Variants in DNAAF11 observed in about 807,000 individuals in gnomAD.
DNAAF11 encodes the protein dynein axonemal assembly factor 11.
Under a neutral mutation model 60.8 loss-of-function variants are expected in DNAAF11, and 45 were observed. The ratio of observed to expected loss-of-function variants is 0.74; its 90% CI spans 0.58 to 0.95. The LOEUF (loss-of-function observed/expected upper bound fraction) is 0.95. Among genes scored for constraint, DNAAF11 ranks in the 40% least tolerant of loss-of-function variants. The pLI, the probability that DNAAF11 is intolerant of heterozygous loss-of-function variation, is 0.00. For synonymous variants in DNAAF11, 191 were observed against 183.5 expected (o/e 1.04, Z -0.33); for missense variants, 546 against 546.2 (o/e 1.00, Z 0.00).
intron 10 of DNAAF11, among the ~76,000 whole-genome samples, chr8:132,603,600 T>G (rs1817849154): frequency 3.5e-5 from 5 of 143,536 alleles, no homozygotes; most frequent in South Asian, 2.3e-4. Flanking sequence ...TAGTGGGGGG[T>G]GGGGGTGTGG....
chr8:132,611,386 T>A (rs1214102710), intron 8 of DNAAF11, 23 bp from the exon 9 acceptor site: 1 of 1,402,854 alleles, frequency 7.1e-7, no homozygotes. Context: ...ACACAGAAAA[T>A]CTTATAATTT....
intron 5 of DNAAF11, among the ~76,000 whole-genome samples, chr8:132,629,141 C>T (rs1820556687): frequency 6.6e-6 from 1 of 152,098 alleles, no homozygotes; most frequent in South Asian, 2.1e-4. Flanking sequence ...ACACTATTGT[C>T]TCCATAGATT....
the DNAAF11 span, among the ~76,000 whole-genome samples, chr8:132,689,728 T>A: frequency 6.6e-6 from 1 of 152,016 alleles, no homozygotes; most frequent in Non-Finnish European, 1.5e-5. Flanking sequence ...TATGTGTATA[T>A]ATATACAGAG....
chr8:132,690,312 C>G, the DNAAF11 span, among the ~76,000 whole-genome samples: 88,227 of 151,820 alleles, frequency 0.58, 27,986 homozygotes, highest in African/African-American at 0.86. Flanking sequence ...TCTCGTGATA[C>G]TGAGTTCTCA....
At chr8:132,584,025 T>C (rs923330201) in intron 10 of DNAAF11, among the ~76,000 whole-genome samples, 1 of 151,934 alleles carries the variant, frequency 6.6e-6, no homozygotes, top group South Asian at 2.1e-4. Flanking sequence ...GCAGGAGATA[T>C]GGTGAATTAA....
intron 10 of DNAAF11, among the ~76,000 whole-genome samples, chr8:132,602,615 T>C (rs1408631709): frequency 1.3e-5 from 2 of 151,854 alleles, no homozygotes; most frequent in Non-Finnish European, 2.9e-5. Context: ...ACCCTCAAGG[T>C]TGCCCTCAAG....
At chr8:132,673,231 A>C (rs769955672) in intron 1 of DNAAF11, among the ~76,000 whole-genome samples, 19 of 152,164 alleles carry the variant, frequency 1.2e-4, no homozygotes, top group Admixed American at 9.2e-4. Context: ...CAGCCCTGAT[A>C]GTTACTGTGT....
the DNAAF11 span, among the ~76,000 whole-genome samples, chr8:132,688,741 C>G: frequency 6.6e-6 from 1 of 152,172 alleles, no homozygotes; most frequent in South Asian, 2.1e-4. Context: ...GTGTGCACAT[C>G]TGGATCAAGC....
intron 1 of DNAAF11, among the ~76,000 whole-genome samples, chr8:132,674,251 G>A (rs1825547305): frequency 6.6e-6 from 1 of 151,748 alleles, no homozygotes; most frequent in Non-Finnish European, 1.5e-5. Flanking sequence ...ACCAACTAGG[G>A]TGAGACCAGG....
chr8:132,595,703 T>C (rs1816943058), intron 10 of DNAAF11, among the ~76,000 whole-genome samples: 1 of 152,222 alleles, frequency 6.6e-6, no homozygotes, highest in Non-Finnish European at 1.5e-5. Flanking sequence ...TTTCTTTACA[T>C]TGTGTTCTAT....
chr8:132,669,858 G>A (rs543323802), intron 1 of DNAAF11, among the ~76,000 whole-genome samples: 1 of 150,430 alleles, frequency 6.6e-6, no homozygotes, highest in East Asian at 2.0e-4. Flanking sequence ...GGAGAATGGC[G>A]TGAACCCAGG....
At chr8:132,572,538 C>T (rs2130928777) in intron 11 of DNAAF11, 58 bp from the exon 12 acceptor site, 2 of 1,288,766 alleles carry the variant, frequency 1.6e-6, no homozygotes, top group Non-Finnish European at 1.1e-6. Context: ...AAATTTCAAA[C>T]AGATTCAACT....
chr8:132,632,979 T>C lies in DNAAF11; in HGVS notation c.430-16A>G, dbSNP rs1037263244. The C allele has an allele frequency of 6.4e-7, 1 of 1,560,554 alleles. No individual in the cohort carries two copies. The highest frequency in any genetic ancestry group is 1.4e-5 in the African/African-American group (1 of 73,766). The stretch of plus-strand genomic sequence containing the variant: ...CATCCAACCACTTAAAGAAAAACAA[T>C]AAATATAGTACAATTGTTCAAAAGT... On this transcript the variant is annotated splice_polypyrimidine_tract_variant and intron_variant, in intron 4 of 11. Transcript: ENST00000620350.
intron 4 of DNAAF11, among the ~76,000 whole-genome samples, chr8:132,636,110 A>G (rs1198267084): frequency 6.6e-6 from 1 of 151,992 alleles, no homozygotes; most frequent in Non-Finnish European, 1.5e-5. Context: ...AAAATAATAC[A>G]TTTATTAACA....
chr8:132,674,126 G>GCA, intron 1 of DNAAF11, among the ~76,000 whole-genome samples: 1 of 148,668 alleles, frequency 6.7e-6, no homozygotes, highest in African/African-American at 2.5e-5. Flanking sequence ...AGGAGGAGGA[G>GCA]GAGGAGGAGA....
At chr8:132,685,820 A>C in the DNAAF11 span, among the ~76,000 whole-genome samples, 1 of 152,180 alleles carries the variant, frequency 6.6e-6, no homozygotes, top group African/African-American at 2.4e-5. Context: ...TGTGTGTCCA[A>C]ATAATTGTGT....
intron 7 of DNAAF11, among the ~76,000 whole-genome samples, chr8:132,615,749 G>A (rs982448094): frequency 1.3e-5 from 2 of 152,130 alleles, no homozygotes; most frequent in African/African-American, 2.4e-5. Flanking sequence ...ACTGTACCCC[G>A]AGGTTGAGTC....
At chr8:132,674,309 A>G (rs976970057) in intron 1 of DNAAF11, among the ~76,000 whole-genome samples, 1 of 152,094 alleles carries the variant, frequency 6.6e-6, no homozygotes, top group African/African-American at 2.4e-5. Context: ...TCAGTAGCTG[A>G]TTTAGGAAAG....
Position 132,632,828 on chromosome 8 carries a change from T to C in DNAAF11, c.565A>G (p.Arg189Gly), listed in dbSNP as rs769215386. The part of the protein sequence containing the change: ...KRAKLKEEAQ[R>G]KHQEEDKNED... ...TTTTTATCCTCTTCTTGGTGTTTCC[T>C]CTGAGCCTCTTCCTTGAGTTTGGCT... The change falls in exon 5 of 12, where the codon AGG becomes GGG. Residue 189 changes from arginine (R) to glycine (G), a missense_variant. Physicochemically the swap from Arg to Gly is moderately radical, Grantham distance 125. Transcript: ENST00000620350. 2.4e-5 allele frequency: 38 copies of C among 1,614,000 alleles called. No homozygotes were observed. The South Asian group carries it at 4.1e-4, about 17-fold the overall frequency.
Sources: allele counts gnomAD v4.1 joint callset (sites outside exome capture counted in the v4.1 genomes callset), GRCh38; gene constraint gnomAD v4.1.1; transcripts MANE v1.5; gene names NCBI Gene and HGNC (gene_info 2026-07-23, HGNC 2026-07-21).